CDKAL1: variants seen among roughly 807,000 people sequenced by gnomAD.
CDKAL1 encodes the protein CDKAL1 threonylcarbamoyladenosine tRNA methylthiotransferase, also known as threonylcarbamoyladenosine tRNA methylthiotransferase.
In CDKAL1, 32 loss-of-function variants were observed where a neutral mutation model predicts 68.2. The ratio of observed to expected loss-of-function variants is 0.47; its 90% CI spans 0.35 to 0.63. CDKAL1 has a LOEUF of 0.63. Among genes scored for constraint, CDKAL1 ranks in the 30% least tolerant of loss-of-function variants. The pLI is 0.00. For synonymous variants in CDKAL1, 234 were observed against 244.3 expected (o/e 0.96, Z 0.39); for missense variants, 606 against 696.7 (o/e 0.87, Z 1.47).
At chr6:21,006,118 C>G (rs1767713390) in intron 11 of CDKAL1, among the ~76,000 whole-genome samples, 1 of 152,116 alleles carries the variant, frequency 6.6e-6, no homozygotes, top group African/African-American at 2.4e-5. Flanking sequence ...AAATTATTAA[C>G]ATCCTGAGTA....
At chr6:20,671,533 A>G (rs1769814332) in intron 5 of CDKAL1, among the ~76,000 whole-genome samples, 1 of 152,156 alleles carries the variant, frequency 6.6e-6, no homozygotes, top group South Asian at 2.1e-4. Context: ...CCTTTGTGTA[A>G]AAAGAGGCTA....
chr6:21,151,709 A>C (rs1776418279), intron 13 of CDKAL1, among the ~76,000 whole-genome samples: 1 of 152,164 alleles, frequency 6.6e-6, no homozygotes, highest in Non-Finnish European at 1.5e-5. Flanking sequence ...GCATATATTC[A>C]CATTCTATCG....
chr6:21,124,479 C>A (rs1218197161), intron 13 of CDKAL1, among the ~76,000 whole-genome samples: 1 of 151,956 alleles, frequency 6.6e-6, no homozygotes, highest in Non-Finnish European at 1.5e-5. Context: ...GGACTGAATT[C>A]ATCACTGTAT....
At chr6:20,629,308 T>C (rs546828999) in intron 4 of CDKAL1, among the ~76,000 whole-genome samples, 3 of 152,316 alleles carry the variant, frequency 2.0e-5, no homozygotes, top group Non-Finnish European at 4.4e-5. Flanking sequence ...GTGCATCTTA[T>C]CAAGTAACAC....
chr6:20,728,577 C>T (rs978767575), intron 5 of CDKAL1, among the ~76,000 whole-genome samples: 1 of 152,158 alleles, frequency 6.6e-6, no homozygotes, highest in Non-Finnish European at 1.5e-5. Context: ...TATATTGAAG[C>T]AAAGGACAGT....
At chr6:21,094,786 A>G (rs1465424492) in intron 12 of CDKAL1, among the ~76,000 whole-genome samples, 1 of 152,256 alleles carries the variant, frequency 6.6e-6, no homozygotes, top group African/African-American at 2.4e-5. Context: ...AATCTTTTAA[A>G]TGAATGAATG....
intron 11 of CDKAL1, among the ~76,000 whole-genome samples, chr6:21,040,551 T>G (rs555080697): frequency 6.6e-6 from 1 of 152,266 alleles, no homozygotes; most frequent in South Asian, 2.1e-4. Flanking sequence ...GTTGTGTAAA[T>G]TATGGATTTA....
rs555511964 is a variant in CDKAL1 at position 20,664,325 on chromosome 6, A to G, written c.371+14948A>G. ...TGTTTTGGGAAAAATACAAATTAAA[A>G]TGGATGTCAAGGATCTCTTTAACAA... is the stretch of plus-strand genomic sequence containing the variant. On this transcript the variant is annotated intron_variant, in intron 5 of 15. Coordinates refer to ENST00000274695, the MANE Select transcript of CDKAL1 (RefSeq NM_017774.3). 1.8e-4 allele frequency among the ~76,000 whole-genome samples: 28 copies of G among 152,284 alleles called. No homozygotes were observed. In the South Asian group the frequency reaches 5.2e-3, roughly 28 times the overall value.
At chr6:20,932,163 G>T (rs567910874) in intron 9 of CDKAL1, among the ~76,000 whole-genome samples, 1 of 152,282 alleles carries the variant, frequency 6.6e-6, no homozygotes, top group Admixed American at 6.5e-5. Context: ...AAATAATAGT[G>T]TGAGAACAAA....
intron 10 of CDKAL1, among the ~76,000 whole-genome samples, chr6:20,995,600 AGT>A (rs1177791289): frequency 6.6e-6 from 1 of 152,180 alleles, no homozygotes; most frequent in African/African-American, 2.4e-5. Flanking sequence ...AGGTCTCGAT[AGT>A]GGGTTTAAAA....
At chr6:20,874,732 G>A (rs1490367061) in intron 9 of CDKAL1, among the ~76,000 whole-genome samples, 1 of 151,770 alleles carries the variant, frequency 6.6e-6, no homozygotes, top group Non-Finnish European at 1.5e-5. Context: ...CGAACTCCGG[G>A]CATCAAGTGA....
intron 11 of CDKAL1, among the ~76,000 whole-genome samples, chr6:21,044,121 GTTCCT>G (rs905924790): frequency 3.9e-5 from 6 of 152,088 alleles, no homozygotes; most frequent in Admixed American, 2.0e-4. Flanking sequence ...CTCTGTAGTT[GTTCCT>G]TTCATCTTTT....
chr6:20,670,591 C>G (rs1251612424), intron 5 of CDKAL1, among the ~76,000 whole-genome samples: 1 of 152,082 alleles, frequency 6.6e-6, no homozygotes. Flanking sequence ...TTTGATCATG[C>G]CTTCTACATT....
chr6:20,800,535 T>C (rs976246694), intron 8 of CDKAL1: 2 of 152,190 alleles, frequency 1.3e-5, no homozygotes, highest in African/African-American at 4.8e-5. Flanking sequence ...TTTTCATATA[T>C]ATGTATGAAA....
chr6:21,138,738 A>G (rs138583462), intron 13 of CDKAL1, among the ~76,000 whole-genome samples: 78 of 152,180 alleles, frequency 5.1e-4, no homozygotes, highest in African/African-American at 1.8e-3. Context: ...ACATCTTTCA[A>G]TGGCAATTGA....
At chr6:20,828,601 T>A (rs1361135912) in intron 8 of CDKAL1, among the ~76,000 whole-genome samples, 1 of 152,208 alleles carries the variant, frequency 6.6e-6, no homozygotes, top group East Asian at 1.9e-4. Context: ...CTTTAGGTAA[T>A]TGGTGAACTG....
At position 20,755,376 on chromosome 6, in the gene CDKAL1, T is replaced by G. The variant is rs945708183; in HGVS notation, c.469-3219T>G. ...GGACCTTACTATTCTTCAGAAATAC[T>G]AAATGCCTGTGTCTGTACTCTGGTT... is the stretch of plus-strand genomic sequence containing the variant. On this transcript the variant is annotated intron_variant, in intron 6 of 15. Transcript: ENST00000274695. Among the ~76,000 whole-genome samples the G allele has an allele frequency of 1.3e-4, 20 of 152,212 alleles. 1 individual carries two copies. The highest frequency in any genetic ancestry group is 2.9e-5 in the Non-Finnish European group (2 of 68,034).
chr6:20,621,705 G>A (rs1181509527), intron 4 of CDKAL1, among the ~76,000 whole-genome samples: 4 of 150,286 alleles, frequency 2.7e-5, no homozygotes, highest in Non-Finnish European at 5.9e-5. Context: ...TCTAGCTTTG[G>A]CCATTGGGAG....
intron 12 of CDKAL1, among the ~76,000 whole-genome samples, chr6:21,100,184 C>G (rs1335668832): frequency 6.6e-6 from 1 of 151,336 alleles, no homozygotes; most frequent in African/African-American, 2.4e-5. Flanking sequence ...TTTTAGAAAC[C>G]GTAAGGCTGA....
Sources: allele counts gnomAD v4.1 joint callset (sites outside exome capture counted in the v4.1 genomes callset), GRCh38; gene constraint gnomAD v4.1.1; transcripts MANE v1.5; gene names NCBI Gene and HGNC (gene_info 2026-07-23, HGNC 2026-07-21).